Variants in QRICH2 observed in about 807,000 individuals in gnomAD.
QRICH2 encodes glutamine rich 2.
Under a neutral mutation model 168.3 loss-of-function variants are expected in QRICH2, and 119 were observed. The ratio of observed to expected loss-of-function variants is 0.71; its 90% CI spans 0.61 to 0.82. The LOEUF is 0.82. Among genes scored for constraint, QRICH2 ranks in the 40% least tolerant of loss-of-function variants. QRICH2 has a pLI of 0.00. For synonymous variants in QRICH2, 894 were observed against 951.2 expected, an observed-to-expected ratio of 0.94 and a Z score of 1.11; for missense variants, 2,241 against 2,491.6, an observed-to-expected ratio of 0.90 and a Z score of 2.14.
In QRICH2 at chr17:76,291,351, G is replaced by C; in HGVS notation, c.3376C>G (p.Gln1126Glu). 1.9e-6 allele frequency: 3 copies of C among 1,614,126 alleles called. No individual in the cohort carries two copies. Among genetic ancestry groups the C allele is most frequent in the Non-Finnish European group, 2.5e-6 (3 of 1,180,036 alleles). Residue 1126 changes from glutamine (Q) to glutamate (E), a missense_variant, in exon 4 of 19, where the codon CAG becomes GAG. By Grantham distance (29) the Gln-to-Glu change is conservative. Coordinates refer to ENST00000680821, the MANE Select transcript of QRICH2 (RefSeq NM_001388453.1). ...PGYLSADQHG[Q>E]EGLDPNRTRA... ...GTTCTATTTGGATCCAAACCTTCCT[G>C]GCCATGCTGATCAGCACTTAGATAC...
rs976364450 is a variant in QRICH2, at chr17:76,307,085, C to G, written c.534+380G>C. 2.0e-5 allele frequency among the ~76,000 whole-genome samples: 3 copies of G among 152,096 alleles called. No homozygotes were observed. Among genetic ancestry groups the G allele is most frequent in the Non-Finnish European group, 4.4e-5 (3 of 68,016 alleles). ...ATCTTCTGAGAAGTTGCCGGCCCCA[C>G]TCTGAGCCAGCTCTGGGTCCTTGGA... On this transcript the variant is annotated intron_variant, in intron 1 of 18. Transcript: ENST00000680821. The surrounding 1 kb of genome is among the most constrained non-coding windows in gnomAD (Gnocchi z 5.3).
At chr17:76,303,749 T>G (rs1441794989) in intron 3 of QRICH2, among the ~76,000 whole-genome samples, 1 of 151,248 alleles carries the variant, frequency 6.6e-6, no homozygotes. Context: ...GGTGGGCGCC[T>G]GTAGTCCCAG....
chr17:76,307,324 T>C lies in QRICH2; in HGVS notation c.534+141A>G. 2.5e-6 allele frequency: 2 copies of C among 791,244 alleles called. No individual in the cohort carries two copies. Among genetic ancestry groups the C allele is most frequent in the Non-Finnish European group, 2.0e-6 (1 of 487,956 alleles). 49.0% of individuals were successfully genotyped at this position (791,244 alleles called of 1,614,324 possible). A position where few individuals can be genotyped will look rare whatever the true frequency, so the allele number is the denominator to read the frequency against. Reference sequence around the variant, plus strand: ...GGCCACTCTATTTAGCCAGTCGCACTGAGGTCTGGCACCTCCTCGGTCCCC... The same window carrying C: ...GGCCACTCTATTTAGCCAGTCGCACCGAGGTCTGGCACCTCCTCGGTCCCC... On this transcript the variant is annotated intron_variant, in intron 1 of 18. Coordinates refer to ENST00000680821, the MANE Select transcript of QRICH2 (RefSeq NM_001388453.1). This position sits in a 1 kb window ranked among gnomAD's most constrained non-coding sequence, Gnocchi z 5.3.
chr17:76,288,798 C>T (rs1399967137), intron 5 of QRICH2, among the ~76,000 whole-genome samples: 1 of 151,608 alleles, frequency 6.6e-6, no homozygotes, highest in African/African-American at 2.4e-5. Flanking sequence ...GACTCCAAGG[C>T]TGCCACAGAT....
chr17:76,279,119 C>A lies in QRICH2; in HGVS notation c.4838G>T (p.Gly1613Val), dbSNP rs1350811515. 2 of 1,613,514 alleles carry A rather than the reference C, an allele frequency of 1.2e-6. No individual in the cohort carries two copies. The highest frequency in any genetic ancestry group is 1.1e-5 in the South Asian group (1 of 91,036). Reference sequence around the variant, plus strand: ...GGAATGGTGCCCAGGTAGGCCTGGACCCGCGGGGGTCACGGGGATGGCACT... The same window carrying A: ...GGAATGGTGCCCAGGTAGGCCTGGAACCGCGGGGGTCACGGGGATGGCACT... ...TGHAIPVTPAGPGLPGHHSIR... is the reference protein window; with the variant it reads ...TGHAIPVTPAVPGLPGHHSIR... The change falls in exon 14 of 19, where the codon GGT (glycine) becomes GTT (valine). Residue 1613 changes from glycine to valine, a missense_variant. By Grantham distance (109) the Gly-to-Val change is moderately radical (BLOSUM62 -3). Transcript: ENST00000680821.
chr17:76,279,387 G>A lies in QRICH2; in HGVS notation c.4790C>T (p.Pro1597Leu). 6.2e-7 allele frequency: 1 copy of A among 1,613,158 alleles called. No individual in the cohort carries two copies. The highest frequency in any genetic ancestry group is 1.1e-5 in the South Asian group (1 of 90,842). ...CTGTCCAGTCACAGGTGTCTCCAAGGGCCGGTCACATGAGAGGCAGTGGAA... is the reference window on the plus strand; with the variant it reads ...CTGTCCAGTCACAGGTGTCTCCAAGAGCCGGTCACATGAGAGGCAGTGGAA... ...AHFHCLSCDR[P>L]LETPVTGHAI... is the part of the protein sequence containing the mutation. Residue 1597 changes from proline (P) to leucine (L), a missense_variant, in exon 13 of 19, where the codon CCC (proline) becomes CTC (leucine). Physicochemically the swap from Pro to Leu is moderately conservative, Grantham distance 98. Around this residue, in one of 3 missense-constraint regions of QRICH2, gnomAD observed 2,047 missense variants for 2,303.8 expected, o/e 0.89. Transcript: ENST00000680821.
chr17:76,299,321 G>C (rs552869944), intron 3 of QRICH2, among the ~76,000 whole-genome samples: 57 of 152,248 alleles, frequency 3.7e-4, no homozygotes, highest in African/African-American at 1.3e-3. Flanking sequence ...TAAAGCTTTT[G>C]GCGCCACCAA....
intron 5 of QRICH2, among the ~76,000 whole-genome samples, chr17:76,288,239 C>G (rs2070925500): frequency 6.6e-6 from 1 of 151,840 alleles, no homozygotes; most frequent in Non-Finnish European, 1.5e-5. Flanking sequence ...CAAAAATCAG[C>G]TGGGCGTGGT....
intron 12 of QRICH2, 80 bp from the exon 13 acceptor site, chr17:76,279,508 G>A (rs1404569384): frequency 8.9e-7 from 1 of 1,121,378 alleles, no homozygotes; most frequent in Non-Finnish European, 1.3e-6. Context: ...GCAGGCCCCT[G>A]GAAGCTCAGC....
chr17:76,279,065 T>C lies in QRICH2; in HGVS notation c.4892A>G (p.Glu1631Gly). The stretch of plus-strand genomic sequence containing the variant: ...CTTGCGGCTATGCTGCCGGACCTGC[T>C]CCAGTTCAAACACCGTGTAGGGGCG... ...SIRPYTVFEL[E>G]QVRQHSRNLK... is the part of the protein sequence containing the mutation. The change falls in exon 14 of 19, where the codon GAG (glutamate) becomes GGG (glycine). Residue 1631 changes from glutamate (E) to glycine (G), a missense_variant. Coordinates refer to ENST00000680821, the MANE Select transcript of QRICH2 (RefSeq NM_001388453.1). The C allele has an allele frequency of 6.2e-7, 1 of 1,613,936 alleles. No individual in the cohort carries two copies. The highest frequency in any genetic ancestry group is 8.5e-7 in the Non-Finnish European group (1 of 1,180,000).
In QRICH2 at chr17:76,281,299, T is replaced by C. The variant is rs1334058098; in HGVS notation, c.4264-346A>G. On this transcript the variant is annotated intron_variant, in intron 8 of 18. Transcript: ENST00000680821. This position sits in a 1 kb window ranked among gnomAD's most constrained non-coding sequence, Gnocchi z 4.4. ...TCACCTACATCCCCATGGACTAGCC[T>C]TGTGACCCTGGCCTGCCGGTCAGGG... Among the ~76,000 whole-genome samples the C allele has an allele frequency of 6.6e-6, 1 of 152,150 alleles. No homozygotes were observed. Among genetic ancestry groups the C allele is most frequent in the Non-Finnish European group, 1.5e-5 (1 of 68,018 alleles).
intron 15 of QRICH2, 54 bp downstream of exon 15, chr17:76,277,935 C>G: frequency 1.9e-6 from 3 of 1,585,960 alleles, no homozygotes; most frequent in Non-Finnish European, 2.6e-6. Context: ...CGAGCAGAAG[C>G]CAAGCCTGGT....
chr17:76,275,732 G>A, intron 18 of QRICH2, 87 bp downstream of exon 18: 1 of 1,497,320 alleles, frequency 6.7e-7, no homozygotes, highest in Non-Finnish European at 8.9e-7. Context: ...CCTCTCCGGG[G>A]AGATAAAGGC....
intron 3 of QRICH2, among the ~76,000 whole-genome samples, chr17:76,299,415 T>C (rs935736729): frequency 1.3e-5 from 2 of 152,196 alleles, no homozygotes; most frequent in Admixed American, 1.3e-4. Context: ...TCAGGGCTCA[T>C]TCTCAGAGGA....
intron 7 of QRICH2, 146 bp downstream of exon 7, chr17:76,287,046 A>G: frequency 4.8e-6 from 1 of 208,872 alleles, no homozygotes. Context: ...ACCACATAAC[A>G]CACACACACA....
intron 16 of QRICH2, 89 bp downstream of exon 16, chr17:76,277,074 C>G: frequency 7.3e-7 from 1 of 1,376,700 alleles, no homozygotes; most frequent in Non-Finnish European, 9.7e-7. Context: ...AGAGGGCTGG[C>G]TGATTTTCTG....
In QRICH2 at chr17:76,293,850, G is replaced by C; in HGVS notation, c.877C>G (p.His293Asp). ...CTACTGGAAACCCCATCAGAGGGGTGTGCTGTGCCACCAGATCCTGATGCA... is the reference window on the plus strand; with the variant it reads ...CTACTGGAAACCCCATCAGAGGGGTCTGCTGTGCCACCAGATCCTGATGCA... ...RTASGSGGTAHPSDGVSSREQ... is the reference protein window; with the variant it reads ...RTASGSGGTADPSDGVSSREQ... Residue 293 changes from histidine to aspartate, a missense_variant, in exon 4 of 19, where the codon CAC becomes GAC. By Grantham distance (81) the His-to-Asp change is moderately conservative. Transcript: ENST00000680821. The C allele has an allele frequency of 6.2e-7, 1 of 1,614,038 alleles. No homozygotes were observed. The highest frequency in any genetic ancestry group is 8.5e-7 in the Non-Finnish European group (1 of 1,179,962).
In QRICH2 at chr17:76,293,977, A is replaced by C. The variant is rs745686791; in HGVS notation, c.750T>G (p.Thr250=). 6.2e-7 allele frequency: 1 copy of C among 1,613,336 alleles called. No homozygotes were observed. Among genetic ancestry groups the C allele is most frequent in the African/African-American group, 1.3e-5 (1 of 74,928 alleles). Residue 250 remains threonine, a synonymous_variant, in exon 4 of 19, where the codon ACT becomes ACG. Coordinates refer to ENST00000680821, the MANE Select transcript of QRICH2 (RefSeq NM_001388453.1). ...LMGFSKHGGF[T]SLTSPEGTLS... ...GAGTCCCTTCAGGTGATGTTAAGGA[A>C]GTGAACCCTCCGTGCTTAGAAAATC...
rs79926252 is a variant in QRICH2 at position 76,279,068 on chromosome 17, A to G, written c.4889T>C (p.Leu1630Pro). ...GCGGCTATGCTGCCGGACCTGCTCCAGTTCAAACACCGTGTAGGGGCGGAT... is the reference window on the plus strand; with the variant it reads ...GCGGCTATGCTGCCGGACCTGCTCCGGTTCAAACACCGTGTAGGGGCGGAT... ...HSIRPYTVFE[L>P]EQVRQHSRNL... is the part of the protein sequence containing the mutation. Residue 1630 changes from leucine (L) to proline (P), a missense_variant, in exon 14 of 19, where the codon CTG (leucine) becomes CCG (proline). Coordinates refer to ENST00000680821, the MANE Select transcript of QRICH2 (RefSeq NM_001388453.1). 1.5e-5 allele frequency: 25 copies of G among 1,613,982 alleles called. No homozygotes were observed. Among genetic ancestry groups the G allele is most frequent in the Non-Finnish European group, 1.9e-5 (22 of 1,180,008 alleles).
Sources: gnomAD v4.1 joint callset for allele counts (sites outside exome capture counted in the v4.1 genomes callset) on GRCh38, gnomAD v4.1.1 for gene constraint, gnomAD v4.1.1 regional missense constraint, Gnocchi (gnomAD v3.1) non-coding constraint, MANE v1.5 for transcripts, NCBI Gene and HGNC (gene_info 2026-07-23, HGNC 2026-07-21) for gene names.